The following ANKMY2 variants were observed in gnomAD, a reference collection of about 807,000 sequenced individuals.
ANKMY2 encodes ankyrin repeat and MYND domain containing 2.
Under a neutral mutation model 50.4 loss-of-function variants are expected in ANKMY2, and 36 were observed. The observed-to-expected ratio is 0.71, with a 90% CI of 0.55 to 0.94. ANKMY2 has a LOEUF of 0.94. Ranked by LOEUF, ANKMY2 falls within the 40% of genes least tolerant of loss-of-function variation. The pLI is 0.00. For synonymous variants in ANKMY2, 187 were observed against 178.8 expected (o/e 1.05, Z -0.36); for missense variants, 565 against 524.0 (o/e 1.08, Z -0.76).
chr7:16,626,992 T>A (rs760256664), intron 3 of ANKMY2, 48 bp downstream of exon 3: 3 of 1,461,532 alleles, frequency 2.1e-6, no homozygotes, highest in South Asian at 1.4e-5. Flanking sequence ...TATGTACTTA[T>A]AACAAGTTTG....
At chr7:16,610,259 C>A (rs1179787812) in intron 6 of ANKMY2, among the ~76,000 whole-genome samples, 1 of 152,108 alleles carries the variant, frequency 6.6e-6, no homozygotes, top group East Asian at 1.9e-4. Flanking sequence ...TGGACTTGGG[C>A]CACTTTCTCG....
intron 2 of ANKMY2, among the ~76,000 whole-genome samples, chr7:16,630,069 T>A (rs1781560971): frequency 1.3e-5 from 2 of 152,150 alleles, no homozygotes; most frequent in South Asian, 4.1e-4. Context: ...TCAAAATACA[T>A]GATGCAAGTT....
chr7:16,644,519 C>T (rs1781790497), intron 1 of ANKMY2: 2 of 324,254 alleles, frequency 6.2e-6, no homozygotes, highest in South Asian at 4.4e-5. Context: ...AAACTGGAAA[C>T]TGGGAAGCCT....
At chr7:16,613,067 A>C (rs1457998983) in intron 5 of ANKMY2, among the ~76,000 whole-genome samples, 2 of 152,208 alleles carry the variant, frequency 1.3e-5, no homozygotes, top group African/African-American at 4.8e-5. Context: ...TGTTCTGTGC[A>C]CATCTGCCTC....
chr7:16,611,054 T>G (rs1781242647), intron 5 of ANKMY2, among the ~76,000 whole-genome samples: 1 of 152,214 alleles, frequency 6.6e-6, no homozygotes, highest in Non-Finnish European at 1.5e-5. Context: ...GATTTTACAG[T>G]CTCTGTTAAA....
At chr7:16,643,571 T>A (rs1300897302) in intron 1 of ANKMY2, among the ~76,000 whole-genome samples, 1 of 149,478 alleles carries the variant, frequency 6.7e-6, no homozygotes, top group Non-Finnish European at 1.5e-5. Flanking sequence ...CCCAGAAATA[T>A]CACAGCACTA....
At chr7:16,602,884 C>A (rs1781092704) in intron 8 of ANKMY2, among the ~76,000 whole-genome samples, 1 of 152,196 alleles carries the variant, frequency 6.6e-6, no homozygotes, top group South Asian at 2.1e-4. Flanking sequence ...GACATGCCTG[C>A]TCCCCCTTCA....
chr7:16,626,200 G>A (rs1002013451), intron 3 of ANKMY2, among the ~76,000 whole-genome samples: 1 of 151,870 alleles, frequency 6.6e-6, no homozygotes, highest in African/African-American at 2.4e-5. Flanking sequence ...AGGATGGTCC[G>A]AACTCCTGGG....
Position 16,616,580 on chromosome 7 carries a change from C to G in ANKMY2, c.371-676G>C, listed in dbSNP as rs529291574. On this transcript the variant is annotated intron_variant, in intron 4 of 9. Transcript: ENST00000306999. ...AAGTGTGCTCCTGCGGCGCCCCCCC[C>G]TCCCTAGCTCCCTCTCCACTACCTC... Among the ~76,000 whole-genome samples the G allele has an allele frequency of 5.4e-3, 802 of 149,872 alleles. 8 individuals carry two copies. The highest frequency in any genetic ancestry group is 0.016 in the African/African-American group (635 of 40,620).
At chr7:16,608,704 T>C (rs1781198287) in intron 7 of ANKMY2, among the ~76,000 whole-genome samples, 1 of 152,028 alleles carries the variant, frequency 6.6e-6, no homozygotes, top group African/African-American at 2.4e-5. Context: ...AAAAACCTAT[T>C]CAAAATAGAA....
chr7:16,638,685 C>T (rs929021365), intron 1 of ANKMY2, among the ~76,000 whole-genome samples: 1 of 152,182 alleles, frequency 6.6e-6, no homozygotes, highest in African/African-American at 2.4e-5. Context: ...AAAAATTCAA[C>T]CTTCTAATCA....
chr7:16,614,263 A>T (rs573909267), intron 5 of ANKMY2, among the ~76,000 whole-genome samples: 6 of 152,194 alleles, frequency 3.9e-5, no homozygotes, highest in Non-Finnish European at 8.8e-5. Flanking sequence ...AAGAAAATAC[A>T]TATTTTTTAA....
At chr7:16,640,395 T>C (rs982882244) in intron 1 of ANKMY2, among the ~76,000 whole-genome samples, 2 of 152,160 alleles carry the variant, frequency 1.3e-5, no homozygotes, top group African/African-American at 2.4e-5. Flanking sequence ...AACACGGGTC[T>C]CTACCAAAGA....
In ANKMY2 at chr7:16,624,780, GTA is replaced by G. The variant is rs112034457; in HGVS notation, c.370+201_370+202del. 9.5e-3 allele frequency among the ~76,000 whole-genome samples: 1,450 copies of G among 152,162 alleles called. 23 individuals carry two copies. Among genetic ancestry groups the G allele is most frequent in the African/African-American group, 0.033 (1,349 of 41,500 alleles). On this transcript the variant is annotated intron_variant, in intron 4 of 9. Coordinates refer to ENST00000306999, the MANE Select transcript of ANKMY2 (RefSeq NM_020319.3). The stretch of plus-strand genomic sequence containing the variant: ...AATTACAATGGCCCCACTACTCTTT[GTA>G]TTTGAAAAAGTGGAAATTCGAAATA...
chr7:16,633,701 A>G (rs1237395583), intron 2 of ANKMY2, among the ~76,000 whole-genome samples: 6 of 152,190 alleles, frequency 3.9e-5, no homozygotes, highest in Non-Finnish European at 8.8e-5. Flanking sequence ...ATTTTTATCA[A>G]TGTTACATGT....
chr7:16,627,116 T>C lies in ANKMY2; in HGVS notation c.195A>G (p.Leu65=). Residue 65 remains leucine, a synonymous_variant, in exon 3 of 10, where the codon CTA becomes CTG. Transcript: ENST00000306999. The part of the protein sequence containing the change: ...YKGKLDMCKL[L]LRHGADVNCH... ...AATTTACATCGGCTCCATGTCGCAG[T>C]AGTAATTTGCACATATCGAGTTTTC... The C allele has an allele frequency of 2.5e-6, 4 of 1,611,206 alleles. No individual in the cohort carries two copies. The highest frequency in any genetic ancestry group is 3.4e-6 in the Non-Finnish European group (4 of 1,178,248).
chr7:16,614,682 T>G (rs151338842), intron 5 of ANKMY2, among the ~76,000 whole-genome samples: 72 of 152,340 alleles, frequency 4.7e-4, no homozygotes, highest in Admixed American at 2.5e-3. Flanking sequence ...ATTTTCATGA[T>G]GCTCAGCAGA....
chr7:16,604,712 C>T lies in ANKMY2; in HGVS notation c.1011+9G>A, dbSNP rs1347205271. ...GAGGTCAATGAAATAAAAAGAACTCCATTCTTACCATTTTGCAAACTGAAC... is the reference window on the plus strand; with the variant it reads ...GAGGTCAATGAAATAAAAAGAACTCTATTCTTACCATTTTGCAAACTGAAC... On this transcript the variant is annotated intron_variant, in intron 8 of 9. Coordinates refer to ENST00000306999, the MANE Select transcript of ANKMY2 (RefSeq NM_020319.3). 5 of 1,612,694 alleles carry T rather than the reference C, an allele frequency of 3.1e-6. No individual in the cohort carries two copies. The highest frequency in any genetic ancestry group is 1.6e-4 in the Middle Eastern group (1 of 6,072).
chr7:16,630,982 G>A (rs952121440), intron 2 of ANKMY2, among the ~76,000 whole-genome samples: 5 of 152,142 alleles, frequency 3.3e-5, no homozygotes, highest in Admixed American at 2.6e-4. Context: ...CAATCTTCAG[G>A]AACACATAGG....
Sources: gnomAD v4.1 joint callset for allele counts (sites outside exome capture counted in the v4.1 genomes callset) on GRCh38, gnomAD v4.1.1 for gene constraint, MANE v1.5 for transcripts, NCBI Gene and HGNC (gene_info 2026-07-23, HGNC 2026-07-21) for gene names.